The following CADPS2 variants were observed in gnomAD, a reference collection of about 807,000 sequenced individuals.
CADPS2 encodes the protein calcium dependent secretion activator 2, also known as calcium-dependent secretion activator 2.
Under a neutral mutation model 172.5 loss-of-function variants are expected in CADPS2, and 93 were observed. That is an observed-to-expected ratio of 0.54 (90% confidence interval 0.46 to 0.64). The LOEUF is 0.64. Among genes scored for constraint, CADPS2 ranks in the 30% least tolerant of loss-of-function variants. CADPS2 has a pLI of 0.00. For missense variants in CADPS2, 1,420 were observed against 1,565.9 expected (o/e 0.91, Z 1.57); for synonymous variants, 546 against 555.2 (o/e 0.98, Z 0.23).
At chr7:122,589,791 C>T (rs1304882080) in intron 6 of CADPS2, among the ~76,000 whole-genome samples, 2 of 151,754 alleles carry the variant, frequency 1.3e-5, no homozygotes, top group Non-Finnish European at 2.9e-5. Context: ...ATGAAGGGTG[C>T]CCACTAATAA....
chr7:122,451,581 A>G (rs115204152), intron 14 of CADPS2, 106 bp from the exon 15 acceptor site: 8 of 568,350 alleles, frequency 1.4e-5, no homozygotes, highest in Admixed American at 1.2e-4. Flanking sequence ...CACTGTATAC[A>G]TATTAATTGT....
chr7:122,778,180 A>G (rs1034961541), intron 1 of CADPS2, among the ~76,000 whole-genome samples: 4 of 152,108 alleles, frequency 2.6e-5, no homozygotes, highest in African/African-American at 4.8e-5. Flanking sequence ...AACCTGTTGG[A>G]AGCTGGAGTA....
At chr7:122,742,699 C>T (rs1020863888) in intron 1 of CADPS2, among the ~76,000 whole-genome samples, 14 of 152,286 alleles carry the variant, frequency 9.2e-5, no homozygotes, top group African/African-American at 3.1e-4. Context: ...ACTTCTAAAA[C>T]ATTCTTACAT....
intron 28 of CADPS2, among the ~76,000 whole-genome samples, chr7:122,330,496 G>A (rs2034735856): frequency 6.6e-6 from 1 of 152,026 alleles, no homozygotes; most frequent in Non-Finnish European, 1.5e-5. Context: ...ATAATGTCAA[G>A]GTTTTTCTAC....
At chr7:122,731,594 A>C (rs62483577) in intron 2 of CADPS2, among the ~76,000 whole-genome samples, 85,665 of 150,944 alleles carry the variant, frequency 0.57, 26,779 homozygotes, top group East Asian at 0.73. Context: ...ACGAAGAGCA[A>C]ACACTTGTAG....
chr7:122,578,933 G>C (rs758484874), intron 7 of CADPS2, among the ~76,000 whole-genome samples: 1 of 152,004 alleles, frequency 6.6e-6, no homozygotes, highest in South Asian at 2.1e-4. Flanking sequence ...TGAGAAAAGG[G>C]GAAACAAGGG....
At chr7:122,670,773 T>C (rs1447555862) in intron 2 of CADPS2, among the ~76,000 whole-genome samples, 2 of 151,634 alleles carry the variant, frequency 1.3e-5, no homozygotes, top group Non-Finnish European at 2.9e-5. Context: ...AGTGCTGGGA[T>C]TACAGGTGTG....
At chr7:122,464,059 A>T (rs1340512432) in intron 14 of CADPS2, among the ~76,000 whole-genome samples, 3 of 152,004 alleles carry the variant, frequency 2.0e-5, no homozygotes, top group Non-Finnish European at 4.4e-5. Flanking sequence ...TTGGTTTCTA[A>T]ATACCATTCT....
chr7:122,387,509 T>C (rs1360179762), intron 23 of CADPS2, among the ~76,000 whole-genome samples: 2 of 152,086 alleles, frequency 1.3e-5, no homozygotes, highest in Non-Finnish European at 2.9e-5. Context: ...ATTGTCTGAA[T>C]TTCCAAGTAG....
At chr7:122,328,455 TCA>T (rs2034328635) in intron 28 of CADPS2, 1 of 152,194 alleles carries the variant, frequency 6.6e-6, no homozygotes, top group East Asian at 1.9e-4. Context: ...GGTTGACCAT[TCA>T]CTTTTCTCCA....
chr7:122,659,290 T>C (rs1346666216), intron 3 of CADPS2, among the ~76,000 whole-genome samples: 3 of 54,800 alleles, frequency 5.5e-5, no homozygotes, highest in East Asian at 1.1e-3. Context: ...TACCAAAAAA[T>C]CAAAAGGAAA....
chr7:122,674,099 G>A (rs150731470), intron 2 of CADPS2, among the ~76,000 whole-genome samples: 23 of 152,124 alleles, frequency 1.5e-4, no homozygotes, highest in African/African-American at 2.2e-4. Context: ...CCCGGGGCCA[G>A]CGGTGCTGGC....
At position 122,621,706 on chromosome 7, in the gene CADPS2, G is replaced by A. The variant is rs1375845030; in HGVS notation, c.879C>T (p.Phe293=). The change falls in exon 5 of 30, where the codon TTC becomes TTT. Residue 293 remains phenylalanine, a synonymous_variant. Coordinates refer to ENST00000449022, the MANE Select transcript of CADPS2 (RefSeq NM_017954.11). The stretch of plus-strand genomic sequence containing the variant: ...CCATATCTTTTGCTATAAATTTGGG[G>A]AATTTTCTTTCCTTGAAAATAATTT... The part of the protein sequence containing the change: ...LADKMAKERK[F]PKFIAKDMEN... 8.9e-6 allele frequency: 14 copies of A among 1,570,310 alleles called. No individual in the cohort carries two copies. Among genetic ancestry groups the A allele is most frequent in the Non-Finnish European group, 1.1e-5 (13 of 1,157,288 alleles).
At chr7:122,368,574 T>C (rs184522446) in intron 25 of CADPS2, among the ~76,000 whole-genome samples, 67 of 152,318 alleles carry the variant, frequency 4.4e-4, no homozygotes, top group African/African-American at 1.6e-3. Context: ...CAGGCCTCCT[T>C]TCCCTTCTTA....
At chr7:122,574,031 T>A (rs1211269767) in intron 7 of CADPS2, among the ~76,000 whole-genome samples, 1 of 152,142 alleles carries the variant, frequency 6.6e-6, no homozygotes, top group South Asian at 2.1e-4. Context: ...AAAATGTTTA[T>A]CTTTACTATG....
At chr7:122,698,506 TG>T in intron 2 of CADPS2, 1 of 1,614,036 alleles carries the variant, frequency 6.2e-7, no homozygotes, top group Non-Finnish European at 8.5e-7. Context: ...GGGGAACACC[TG>T]GTTGCCAGTA....
At position 122,820,806 on chromosome 7, in the gene CADPS2, G is replaced by A. The variant is rs62482475; in HGVS notation, c.339+65193C>T. 1.5e-4 allele frequency among the ~76,000 whole-genome samples: 21 copies of A among 137,258 alleles called. 1 individual carries two copies. In the East Asian group the frequency reaches 2.2e-3, roughly 15 times the overall value. 90.0% of individuals were successfully genotyped at this position (137,258 alleles called of 152,430 possible). A position where few individuals can be genotyped will look rare whatever the true frequency, so the allele number is the denominator to read the frequency against. On this transcript the variant is annotated intron_variant, in intron 1 of 29. Coordinates refer to ENST00000449022, the MANE Select transcript of CADPS2 (RefSeq NM_017954.11). ...GATCTCCTGACCTCGTGATCCGCCC[G>A]CCTCGGCCTCCCAAAGTGCTGGGAT...
intron 25 of CADPS2, among the ~76,000 whole-genome samples, chr7:122,375,143 G>A (rs1238158492): frequency 1.3e-5 from 2 of 152,002 alleles, no homozygotes; most frequent in Non-Finnish European, 2.9e-5. Flanking sequence ...CATATTTAAT[G>A]CAATCTCTAT....
chr7:122,441,282 A>G (rs1291462679), intron 16 of CADPS2, among the ~76,000 whole-genome samples: 1 of 152,150 alleles, frequency 6.6e-6, no homozygotes, highest in Non-Finnish European at 1.5e-5. Flanking sequence ...TACCAAAAAG[A>G]TGCCATAATA....
Sources: gnomAD v4.1 joint callset for allele counts (sites outside exome capture counted in the v4.1 genomes callset) on GRCh38, gnomAD v4.1.1 for gene constraint, MANE v1.5 for transcripts, NCBI Gene and HGNC (gene_info 2026-07-23, HGNC 2026-07-21) for gene names.